The following CDH9 variants were observed in gnomAD, a reference collection of about 807,000 sequenced individuals.
CDH9 encodes cadherin 9.
Under a neutral mutation model 70.9 loss-of-function variants are expected in CDH9, and 28 were observed. The ratio of observed to expected loss-of-function variants is 0.40; its 90% CI spans 0.29 to 0.54. The LOEUF is 0.54. CDH9 is among the 20% of genes least tolerant of loss of function. The probability of loss-of-function intolerance (pLI) is 0.59; values close to 1 mark genes in which losing one functional copy is unlikely to be tolerated. For missense variants in CDH9, 874 were observed against 984.4 expected (o/e 0.89, Z 1.50); for synonymous variants, 409 against 343.1 (o/e 1.19, Z -2.12).
chr5:26,987,235 C>T (rs1261982262), intron 2 of CDH9, among the ~76,000 whole-genome samples: 1 of 150,996 alleles, frequency 6.6e-6, no homozygotes, highest in Non-Finnish European at 1.5e-5. Flanking sequence ...AATTTATGAT[C>T]TGTAGACTGC....
chr5:26,911,617 G>A (rs1350919640), intron 3 of CDH9, among the ~76,000 whole-genome samples: 1 of 151,872 alleles, frequency 6.6e-6, no homozygotes, highest in Admixed American at 6.6e-5. Flanking sequence ...GAAGACGAAA[G>A]CATGCACATG....
At position 26,896,155 on chromosome 5, in the gene CDH9, C is replaced by A. The variant is rs1226193773; in HGVS notation, c.1254-5591G>T. On this transcript the variant is annotated intron_variant, in intron 7 of 11. Transcript: ENST00000231021. The stretch of plus-strand genomic sequence containing the variant: ...ATTGATTATTTCTAGGACTTGAGTA[C>A]CCTATACAAAACAAAGATTTCCGGA... 3.3e-5 allele frequency among the ~76,000 whole-genome samples: 5 copies of A among 151,926 alleles called. No individual in the cohort carries two copies. In the East Asian group the frequency reaches 9.6e-4, roughly 29 times the overall value.
At chr5:26,970,290 G>A (rs1293497733) in intron 2 of CDH9, among the ~76,000 whole-genome samples, 1 of 151,740 alleles carries the variant, frequency 6.6e-6, no homozygotes, top group Non-Finnish European at 1.5e-5. Context: ...GTAAATTATA[G>A]TTATTGATCT....
intron 2 of CDH9, among the ~76,000 whole-genome samples, chr5:26,937,826 G>A (rs2112031637): frequency 6.6e-6 from 1 of 152,130 alleles, no homozygotes; most frequent in Admixed American, 6.6e-5. Flanking sequence ...GAGGAGTTAG[G>A]GAGAGAGGAA....
At chr5:26,949,338 A>G (rs1741806435) in intron 2 of CDH9, among the ~76,000 whole-genome samples, 2 of 152,206 alleles carry the variant, frequency 1.3e-5, no homozygotes, top group Non-Finnish European at 2.9e-5. Flanking sequence ...CGATTGATAT[A>G]GCTGCTGAGT....
chr5:26,885,998 A>C lies in CDH9; in HGVS notation c.1598T>G (p.Leu533Arg), dbSNP rs751031381. 91 of 1,611,716 alleles carry C rather than the reference A, an allele frequency of 5.6e-5. No homozygotes were observed. The South Asian group carries it at 1.0e-3, about 18-fold the overall frequency. The change falls in exon 10 of 12, where the codon CTC (leucine) becomes CGC (arginine). Residue 533 changes from leucine to arginine, a missense_variant. Physicochemically the swap from Leu to Arg is moderately radical, Grantham distance 102. Coordinates refer to ENST00000231021, the MANE Select transcript of CDH9 (RefSeq NM_016279.4). Reference protein sequence around the residue: ...FFFEPVPEFTLNPNFTIVDNK... With the variant: ...FFFEPVPEFTRNPNFTIVDNK... ...ATCTACAATGGTGAAATTCGGATTG[A>C]GAGTAAATTCTGGCACTGGTTCAAA...
chr5:26,881,513 C>G lies in CDH9; in HGVS notation c.1993G>C (p.Gly665Arg), dbSNP rs1451095462. 6.2e-7 allele frequency: 1 copy of G among 1,613,742 alleles called. No homozygotes were observed. ...NIVTYNDEGG[G>R]EEDTQAFDIG... ...TCAAAAGCTTGGGTATCTTCTTCCC[C>G]GCCGCCTTCATCGTTGTAGGTCACA... is the stretch of plus-strand genomic sequence containing the variant. Residue 665 changes from glycine to arginine, a missense_variant, in exon 12 of 12, where the codon GGG (glycine) becomes CGG (arginine). Gly to Arg is a moderately radical substitution (Grantham distance 125). Coordinates refer to ENST00000231021, the MANE Select transcript of CDH9 (RefSeq NM_016279.4).
intron 1 of CDH9, among the ~76,000 whole-genome samples, chr5:27,024,585 A>G (rs1457260902): frequency 1.3e-5 from 2 of 152,152 alleles, no homozygotes; most frequent in Non-Finnish European, 2.9e-5. Context: ...CAGTTTGAGT[A>G]TATATTTGAG....
intron 7 of CDH9, among the ~76,000 whole-genome samples, chr5:26,895,316 T>C (rs2111978772): frequency 6.6e-6 from 1 of 152,192 alleles, no homozygotes; most frequent in East Asian, 1.9e-4. Flanking sequence ...CAAATCTTTT[T>C]TGCAGAGATT....
At chr5:26,890,846 T>C (rs1190890409) in intron 7 of CDH9, 3 of 315,076 alleles carry the variant, frequency 9.5e-6, no homozygotes, top group East Asian at 5.9e-5. Flanking sequence ...TATCACTTGG[T>C]TCACTTATCC....
At chr5:26,919,132 T>A (rs1579450723) in intron 2 of CDH9, among the ~76,000 whole-genome samples, 1 of 152,282 alleles carries the variant, frequency 6.6e-6, no homozygotes, top group East Asian at 1.9e-4. Context: ...CCACAGTACC[T>A]GATTTTACCA....
intron 1 of CDH9, among the ~76,000 whole-genome samples, chr5:26,996,263 A>T (rs1742663594): frequency 6.6e-6 from 1 of 152,054 alleles, no homozygotes; most frequent in Admixed American, 6.5e-5. Flanking sequence ...GAACTTCAAC[A>T]TACATTAATC....
At chr5:26,945,137 A>G (rs944992309) in intron 2 of CDH9, among the ~76,000 whole-genome samples, 11 of 151,198 alleles carry the variant, frequency 7.3e-5, no homozygotes, top group African/African-American at 2.7e-4. Context: ...TATGGGGAGG[A>G]GTTGTATAAT....
chr5:26,907,753 G>A lies in CDH9; in HGVS notation c.524-915C>T, dbSNP rs562182059. 4.6e-5 allele frequency among the ~76,000 whole-genome samples: 7 copies of A among 152,110 alleles called. No individual in the cohort carries two copies. The South Asian group carries it at 1.0e-3, about 22-fold the overall frequency. ...CCCTTAAATGAAGCCTACTAGGTTT[G>A]CCCTTGGACAAAGCTAGATTGTAGG... On this transcript the variant is annotated intron_variant, in intron 3 of 11. Coordinates refer to ENST00000231021, the MANE Select transcript of CDH9 (RefSeq NM_016279.4).
intron 1 of CDH9, among the ~76,000 whole-genome samples, chr5:27,023,895 TACA>T (rs1445663856): frequency 6.6e-6 from 1 of 151,592 alleles, no homozygotes; most frequent in African/African-American, 2.4e-5. Context: ...CTACTAAAAA[TACA>T]ACACTTAGCT....
intron 7 of CDH9, 129 bp from the exon 8 acceptor site, chr5:26,890,693 T>C (rs1561184426): frequency 6.1e-6 from 4 of 654,560 alleles, no homozygotes; most frequent in Admixed American, 2.6e-5. Flanking sequence ...AACAACTTTC[T>C]TGAATTTTTA....
intron 1 of CDH9, among the ~76,000 whole-genome samples, chr5:27,033,677 A>G (rs1234848003): frequency 6.6e-6 from 1 of 151,586 alleles, no homozygotes; most frequent in African/African-American, 2.4e-5. Flanking sequence ...TGTGTTCTTT[A>G]TATTGTGAAG....
chr5:26,995,827 G>A (rs1742655464), intron 1 of CDH9, among the ~76,000 whole-genome samples: 1 of 151,958 alleles, frequency 6.6e-6, no homozygotes, highest in Admixed American at 6.6e-5. Flanking sequence ...AATACTATCA[G>A]ATGTACTATA....
chr5:27,004,417 T>C (rs1328920052), intron 1 of CDH9, among the ~76,000 whole-genome samples: 1 of 152,126 alleles, frequency 6.6e-6, no homozygotes, highest in East Asian at 1.9e-4. Context: ...CTTCATGATA[T>C]CTAAATCACA....
Sources: allele counts gnomAD v4.1 joint callset (sites outside exome capture counted in the v4.1 genomes callset), GRCh38; gene constraint gnomAD v4.1.1; transcripts MANE v1.5; gene names NCBI Gene and HGNC (gene_info 2026-07-23, HGNC 2026-07-21).